Variants in DOK6 observed in about 807,000 individuals in gnomAD.
DOK6 encodes the protein downstream of tyrosine kinase 6.
DOK6 carries 22 observed loss-of-function variants against 44.0 expected under a neutral mutation model. That is an observed-to-expected ratio of 0.50 (90% CI 0.36 to 0.71). The LOEUF is 0.71. Ranked by LOEUF, DOK6 falls within the 30% of genes least tolerant of loss-of-function variation. DOK6 has a pLI of 0.00. For missense variants in DOK6, 340 were observed against 416.4 expected (o/e 0.82, Z 1.60); for synonymous variants, 166 against 145.5 (o/e 1.14, Z -1.01).
intron 4 of DOK6, among the ~76,000 whole-genome samples, chr18:69,678,746 C>T (rs550161050): frequency 6.6e-6 from 1 of 152,204 alleles, no homozygotes; most frequent in South Asian, 2.1e-4. Context: ...TGATTGTGAG[C>T]TCATTTATAA....
chr18:69,701,838 T>A (rs1442164717), intron 5 of DOK6, among the ~76,000 whole-genome samples: 1 of 152,162 alleles, frequency 6.6e-6, no homozygotes, highest in Non-Finnish European at 1.5e-5. Flanking sequence ...ATGTTATATG[T>A]CATACAATTA....
chr18:69,695,008 A>C (rs1239050240), intron 4 of DOK6, among the ~76,000 whole-genome samples: 4 of 152,218 alleles, frequency 2.6e-5, no homozygotes, highest in Non-Finnish European at 2.9e-5. Flanking sequence ...TTGAGATGGG[A>C]TTAATTTATT....
intron 1 of DOK6, among the ~76,000 whole-genome samples, chr18:69,490,475 G>A (rs1980705058): frequency 6.6e-6 from 1 of 151,984 alleles, no homozygotes; most frequent in Non-Finnish European, 1.5e-5. Flanking sequence ...AGTTAAGAAG[G>A]GGTTTTAATA....
intron 1 of DOK6, among the ~76,000 whole-genome samples, chr18:69,473,270 A>G (rs1003224119): frequency 4.6e-5 from 7 of 152,212 alleles, no homozygotes; most frequent in African/African-American, 1.7e-4. Context: ...CCAATGAATA[A>G]TTTTTGAAAA....
chr18:69,809,519 A>G (rs1237843520), intron 7 of DOK6, among the ~76,000 whole-genome samples: 1 of 151,238 alleles, frequency 6.6e-6, no homozygotes, highest in African/African-American at 2.4e-5. Flanking sequence ...CTATTTGCAG[A>G]CAACATGATC....
At chr18:69,670,474 T>C (rs1280684531) in intron 3 of DOK6, among the ~76,000 whole-genome samples, 2 of 151,406 alleles carry the variant, frequency 1.3e-5, no homozygotes, top group African/African-American at 2.4e-5. Flanking sequence ...TGCTTGATTA[T>C]TGTATTCTTG....
At chr18:69,823,403 G>T (rs1423746179) in intron 7 of DOK6, among the ~76,000 whole-genome samples, 2 of 152,102 alleles carry the variant, frequency 1.3e-5, no homozygotes, top group African/African-American at 2.4e-5. Context: ...ATGGTAATTA[G>T]CATGGTAGGA....
At chr18:69,778,437 G>A (rs565699771) in intron 7 of DOK6, among the ~76,000 whole-genome samples, 1 of 152,264 alleles carries the variant, frequency 6.6e-6, no homozygotes, top group East Asian at 1.9e-4. Context: ...AGGCAGTGCA[G>A]AAAGCAGAAT....
At chr18:69,774,122 TATATATATGAG>T (rs1979974953) in intron 7 of DOK6, among the ~76,000 whole-genome samples, 1 of 108,212 alleles carries the variant, frequency 9.2e-6, no homozygotes. Flanking sequence ...TTTATATAGA[TATATATATGAG>T]ATATATATAT....
intron 1 of DOK6, among the ~76,000 whole-genome samples, chr18:69,493,018 C>A (rs62095262): frequency 2.0e-4 from 30 of 151,928 alleles, no homozygotes; most frequent in Non-Finnish European, 3.5e-4. Context: ...ATTGTCACAG[C>A]AAATGCCCTC....
At chr18:69,821,740 G>A (rs1981576825) in intron 7 of DOK6, among the ~76,000 whole-genome samples, 1 of 150,582 alleles carries the variant, frequency 6.6e-6, no homozygotes, top group Non-Finnish European at 1.5e-5. Context: ...AAAATCACAT[G>A]AGCTCTCTGA....
At chr18:69,428,223 A>G (rs1183003244) in intron 1 of DOK6, among the ~76,000 whole-genome samples, 1 of 152,108 alleles carries the variant, frequency 6.6e-6, no homozygotes, top group Non-Finnish European at 1.5e-5. Context: ...TATAAAATAT[A>G]GAGCATATAG....
chr18:69,524,413 C>T (rs571481661), intron 1 of DOK6, among the ~76,000 whole-genome samples: 3 of 152,070 alleles, frequency 2.0e-5, no homozygotes, highest in Admixed American at 1.3e-4. Context: ...TACACTGAGC[C>T]TCTGTGTGAA....
chr18:69,690,983 C>T (rs1034739519), intron 4 of DOK6, among the ~76,000 whole-genome samples: 1 of 151,938 alleles, frequency 6.6e-6, no homozygotes, highest in African/African-American at 2.4e-5. Flanking sequence ...GAGTTCAAGA[C>T]CAGCCTGTCC....
intron 7 of DOK6, among the ~76,000 whole-genome samples, chr18:69,829,604 C>T (rs1343954080): frequency 1.3e-5 from 2 of 151,468 alleles, no homozygotes; most frequent in Non-Finnish European, 1.5e-5. Context: ...GATAAATTCC[C>T]AATGAATTAA....
chr18:69,761,510 T>G (rs1979552999), intron 7 of DOK6, among the ~76,000 whole-genome samples: 2 of 152,146 alleles, frequency 1.3e-5, no homozygotes, highest in African/African-American at 4.8e-5. Flanking sequence ...AATCTTTGGA[T>G]GAAGGTCTGT....
chr18:69,740,340 C>T (rs1386624833), intron 6 of DOK6, among the ~76,000 whole-genome samples: 1 of 152,160 alleles, frequency 6.6e-6, no homozygotes, highest in African/African-American at 2.4e-5. Context: ...AAAAATATAA[C>T]TATCAAATTT....
intron 5 of DOK6, among the ~76,000 whole-genome samples, chr18:69,701,145 G>T (rs1986510248): frequency 6.6e-6 from 1 of 152,150 alleles, no homozygotes; most frequent in Non-Finnish European, 1.5e-5. Flanking sequence ...CGTTTATTCT[G>T]GAGAAGCATC....
Position 69,846,272 on chromosome 18 carries a change from AC to A in DOK6, c.*4890del, listed in dbSNP as rs1982342702. On this transcript the variant is annotated 3_prime_UTR_variant, in exon 8 of 8. Transcript: ENST00000382713. ...CACTTTATGTTTCCCTTGGGAGAAA[AC>A]TGAAACCCATGGATGCTGTAATTTG... 1.3e-5 allele frequency: 2 copies of A among 152,192 alleles called. No homozygotes were observed. Among genetic ancestry groups the A allele is most frequent in the South Asian group, 4.1e-4 (2 of 4,830 alleles). The allele number at this position is 152,192 out of a possible 1,614,324, so 9.4% of individuals were successfully genotyped here.
Sources: gnomAD v4.1 joint callset for allele counts (sites outside exome capture counted in the v4.1 genomes callset) on GRCh38, gnomAD v4.1.1 for gene constraint, MANE v1.5 for transcripts, NCBI Gene and HGNC (gene_info 2026-07-23, HGNC 2026-07-21) for gene names.